TDRD5: variants seen among roughly 807,000 people sequenced by gnomAD.
TDRD5 encodes tudor domain-containing protein 5.
A neutral mutation model predicts 120.6 loss-of-function variants in TDRD5; 41 were observed. The ratio of observed to expected loss-of-function variants is 0.34; its 90% CI spans 0.26 to 0.44. The LOEUF is 0.44. Ranked by LOEUF, TDRD5 falls within the 20% of genes least tolerant of loss-of-function variation. TDRD5 has a pLI of 1.00. For missense variants in TDRD5, 1,006 were observed against 1,221.2 expected (o/e 0.82, Z 2.63); for synonymous variants, 430 against 433.7 (o/e 0.99, Z 0.11).
chr1:179,612,725 A>C (rs770395049), intron 4 of TDRD5, among the ~76,000 whole-genome samples: 1 of 152,072 alleles, frequency 6.6e-6, no homozygotes, highest in Non-Finnish European at 1.5e-5. Context: ...ATTTGAGGTC[A>C]GGAGTTCAAG....
intron 17 of TDRD5, among the ~76,000 whole-genome samples, chr1:179,688,917 AT>A (rs1680925078): frequency 6.6e-6 from 1 of 152,164 alleles, no homozygotes; most frequent in Non-Finnish European, 1.5e-5. Flanking sequence ...GGTCTTCTCT[AT>A]GATGTTTATT....
At chr1:179,606,230 G>A (rs1387919795) in intron 4 of TDRD5, among the ~76,000 whole-genome samples, 1 of 151,370 alleles carries the variant, frequency 6.6e-6, no homozygotes, top group African/African-American at 2.4e-5. Context: ...TTGCCATCTG[G>A]TATATCTTCT....
intron 11 of TDRD5, among the ~76,000 whole-genome samples, chr1:179,647,053 C>G (rs1198646002): frequency 6.6e-6 from 1 of 150,782 alleles, no homozygotes; most frequent in African/African-American, 2.4e-5. Context: ...TCAATGCCAT[C>G]TCCATCAAGC....
At chr1:179,633,824 C>T (rs1230223127) in intron 7 of TDRD5, among the ~76,000 whole-genome samples, 1 of 151,896 alleles carries the variant, frequency 6.6e-6, no homozygotes, top group African/African-American at 2.4e-5. Flanking sequence ...TTAATTTGAA[C>T]AAGAAGTAAA....
intron 6 of TDRD5, among the ~76,000 whole-genome samples, chr1:179,627,474 G>A (rs534132623): frequency 1.3e-5 from 2 of 152,268 alleles, no homozygotes; most frequent in East Asian, 3.9e-4. Flanking sequence ...GATTATATTG[G>A]TGGTAGTATT....
At chr1:179,655,946 C>A (rs1269767483) in intron 14 of TDRD5, among the ~76,000 whole-genome samples, 1 of 152,116 alleles carries the variant, frequency 6.6e-6, no homozygotes, top group Non-Finnish European at 1.5e-5. Context: ...TTTGTGTGAA[C>A]ATAAGCTTCA....
At chr1:179,684,194 C>T (rs1217879069) in intron 17 of TDRD5, among the ~76,000 whole-genome samples, 2 of 152,114 alleles carry the variant, frequency 1.3e-5, no homozygotes, top group Non-Finnish European at 2.9e-5. Flanking sequence ...CTATCCCTCC[C>T]TGCTCCCCAC....
At chr1:179,678,751 G>A (rs576797623) in intron 17 of TDRD5, among the ~76,000 whole-genome samples, 100 of 151,892 alleles carry the variant, frequency 6.6e-4, no homozygotes, top group African/African-American at 2.2e-3. Context: ...CATATATTCC[G>A]TGACCTTGCT....
At chr1:179,681,893 T>A (rs950456267) in intron 17 of TDRD5, among the ~76,000 whole-genome samples, 1 of 123,978 alleles carries the variant, frequency 8.1e-6, no homozygotes, top group Non-Finnish European at 1.7e-5. Flanking sequence ...TGTCTCCAAG[T>A]GTACTAGTCT....
rs186816137 is a variant in TDRD5, at chr1:179,625,818, T to C, written c.972+4727T>C. Among the ~76,000 whole-genome samples the C allele has an allele frequency of 9.2e-5, 14 of 152,316 alleles. No homozygotes were observed. The East Asian group carries it at 2.5e-3, about 27-fold the overall frequency. On this transcript the variant is annotated intron_variant, in intron 6 of 17. Coordinates refer to ENST00000444136, the MANE Select transcript of TDRD5 (RefSeq NM_001199085.3). ...GTACAACAAAATACTATTCCACATATGTCCAACAATGATAGACTGGATTAA... is the reference window on the plus strand; with the variant it reads ...GTACAACAAAATACTATTCCACATACGTCCAACAATGATAGACTGGATTAA...
intron 17 of TDRD5, among the ~76,000 whole-genome samples, chr1:179,688,215 C>T (rs1417510747): frequency 1.3e-5 from 2 of 152,148 alleles, no homozygotes; most frequent in Non-Finnish European, 2.9e-5. Context: ...GTGCTTCCTT[C>T]AGGAGCTGTT....
intron 15 of TDRD5, among the ~76,000 whole-genome samples, chr1:179,662,891 C>G (rs1679387642): frequency 1.3e-5 from 2 of 152,068 alleles, no homozygotes; most frequent in South Asian, 4.2e-4. Flanking sequence ...TGAAAGAAAC[C>G]ATTTTCTCTA....
At chr1:179,643,759 T>C (rs1678185535) in intron 11 of TDRD5, among the ~76,000 whole-genome samples, 1 of 150,882 alleles carries the variant, frequency 6.6e-6, no homozygotes. Context: ...AGAAAGAGAG[T>C]TGAGAGAGAG....
intron 11 of TDRD5, among the ~76,000 whole-genome samples, chr1:179,647,258 G>A (rs1167449297): frequency 7.3e-6 from 1 of 137,452 alleles, no homozygotes; most frequent in Admixed American, 7.4e-5. Context: ...CAGAGATATA[G>A]ATCAATGGAA....
At chr1:179,667,022 A>G (rs1040062484) in intron 16 of TDRD5, among the ~76,000 whole-genome samples, 1 of 152,194 alleles carries the variant, frequency 6.6e-6, no homozygotes, top group African/African-American at 2.4e-5. Context: ...TCAAACTATA[A>G]TGTGTATACA....
chr1:179,660,120 T>A (rs1043046734), intron 14 of TDRD5, among the ~76,000 whole-genome samples: 3 of 152,184 alleles, frequency 2.0e-5, no homozygotes, highest in Middle Eastern at 3.4e-3. Flanking sequence ...TTTTTCTGTT[T>A]GTTCCCCTGA....
chr1:179,618,526 A>T, intron 4 of TDRD5, 73 bp from the exon 5 acceptor site: 1 of 1,089,482 alleles, frequency 9.2e-7, no homozygotes, highest in Non-Finnish European at 1.3e-6. Flanking sequence ...TTCTTTACAT[A>T]TTGCTTAGAT....
At chr1:179,651,715 C>G (rs1352316517) in intron 12 of TDRD5, among the ~76,000 whole-genome samples, 1 of 152,090 alleles carries the variant, frequency 6.6e-6, no homozygotes, top group African/African-American at 2.4e-5. Flanking sequence ...AGATCGAGAC[C>G]ATCCTGGCTA....
At chr1:179,601,845 G>A (rs187036105) in intron 4 of TDRD5, among the ~76,000 whole-genome samples, 48 of 152,270 alleles carry the variant, frequency 3.2e-4, no homozygotes, top group Non-Finnish European at 5.3e-4. Context: ...TTGCTCTGTC[G>A]CCCAGGCTGG....
Sources: gnomAD v4.1 joint callset for allele counts (sites outside exome capture counted in the v4.1 genomes callset) on GRCh38, gnomAD v4.1.1 for gene constraint, MANE v1.5 for transcripts, NCBI Gene and HGNC (gene_info 2026-07-23, HGNC 2026-07-21) for gene names.